Variants in RGL1 observed in about 807,000 individuals in gnomAD.
RGL1 encodes the protein ral guanine nucleotide dissociation stimulator-like 1.
RGL1 carries 24 observed loss-of-function variants against 95.2 expected under a neutral mutation model. That is an observed-to-expected ratio of 0.25 (90% CI 0.18 to 0.35). RGL1 has a LOEUF of 0.35. Ranked by LOEUF, RGL1 falls within the 10% of genes least tolerant of loss-of-function variation. RGL1 has a pLI of 1.00. For missense variants in RGL1, 715 were observed against 936.3 expected (o/e 0.76, Z 3.08); for synonymous variants, 329 against 344.9 (o/e 0.95, Z 0.51).
chr1:183,736,490 G>A (rs1462931316), intron 1 of RGL1, among the ~76,000 whole-genome samples: 1 of 152,178 alleles, frequency 6.6e-6, no homozygotes. Context: ...CTTGTGACTA[G>A]AATTTCAGTG....
intron 1 of RGL1, among the ~76,000 whole-genome samples, chr1:183,736,866 C>A (rs1262543807): frequency 6.6e-6 from 1 of 152,056 alleles, no homozygotes; most frequent in Admixed American, 6.6e-5. Context: ...AGAAGAAAAG[C>A]ATGACCCTAA....
chr1:183,642,760 G>A (rs559052801), intron 1 of RGL1, among the ~76,000 whole-genome samples: 1 of 152,270 alleles, frequency 6.6e-6, no homozygotes, highest in East Asian at 1.9e-4. Flanking sequence ...ACCAGTAGGT[G>A]TCAACTAGTA....
At chr1:183,727,440 T>C (rs1248248361) in intron 1 of RGL1, among the ~76,000 whole-genome samples, 1 of 152,206 alleles carries the variant, frequency 6.6e-6, no homozygotes, top group Non-Finnish European at 1.5e-5. Flanking sequence ...TTTTACACTT[T>C]AAGTGTTTGA....
At chr1:183,905,649 G>A (rs1184066012) in intron 13 of RGL1, among the ~76,000 whole-genome samples, 1 of 152,114 alleles carries the variant, frequency 6.6e-6, no homozygotes, top group Non-Finnish European at 1.5e-5. Flanking sequence ...ACAAAGAACA[G>A]TTTAAAAATA....
At chr1:183,708,132 A>G (rs1242515344) in intron 1 of RGL1, among the ~76,000 whole-genome samples, 3 of 152,194 alleles carry the variant, frequency 2.0e-5, no homozygotes, top group African/African-American at 7.2e-5. Context: ...TTGCAAAAAA[A>G]GACAAGGCGC....
rs143627462 is a variant in RGL1, at chr1:183,866,614, A to C, written c.425+541A>C. On this transcript the variant is annotated intron_variant, in intron 4 of 17. Transcript: ENST00000360851. ...TGGCCGGAGCGCGTGCTAGGGGATG[A>C]GCACTGTGAGGTGAGCAGGAAGGTG... Among the ~76,000 whole-genome samples, 649 of 152,298 alleles carry C rather than the reference A, an allele frequency of 4.3e-3. 4 individuals carry two copies. Among genetic ancestry groups the C allele is most frequent in the African/African-American group, 0.015 (633 of 41,560 alleles).
intron 2 of RGL1, among the ~76,000 whole-genome samples, chr1:183,791,040 A>C (rs1042698176): frequency 6.6e-6 from 1 of 152,082 alleles, no homozygotes; most frequent in Non-Finnish European, 1.5e-5. Flanking sequence ...TTAGCTATTC[A>C]CTCATCTAGA....
At chr1:183,725,002 G>GGAA (rs1197474649) in intron 1 of RGL1, among the ~76,000 whole-genome samples, 1 of 151,862 alleles carries the variant, frequency 6.6e-6, no homozygotes, top group Non-Finnish European at 1.5e-5. Context: ...AGGAGGAGGA[G>GGAA]GAGAGAGAAA....
At position 183,722,209 on chromosome 1, in the gene RGL1, A is replaced by G. The variant is rs1457177224; in HGVS notation, c.-32-19917A>G. Among the ~76,000 whole-genome samples the G allele has an allele frequency of 2.0e-5, 3 of 151,696 alleles. No individual in the cohort carries two copies. In the East Asian group the frequency reaches 5.8e-4, roughly 29 times the overall value. The stretch of plus-strand genomic sequence containing the variant: ...AGAGGATTCCAAGAAGAAGGAGAGA[A>G]CACTTAATAGTCTGGGACCAAAAAA... On this transcript the variant is annotated intron_variant, in intron 1 of 18. Transcript: ENST00000304685.
intron 2 of RGL1, among the ~76,000 whole-genome samples, chr1:183,769,856 G>C (rs1659188156): frequency 6.6e-6 from 1 of 152,134 alleles, no homozygotes; most frequent in Admixed American, 6.5e-5. Context: ...GTATTAACCA[G>C]GCCCGACCCA....
intron 2 of RGL1, among the ~76,000 whole-genome samples, chr1:183,838,393 G>A (rs908005621): frequency 1.3e-5 from 2 of 152,106 alleles, no homozygotes; most frequent in Admixed American, 6.6e-5. Context: ...AAGGGGGATG[G>A]GATTTCTGTG....
At chr1:183,690,079 T>C (rs1479189962) in intron 1 of RGL1, among the ~76,000 whole-genome samples, 3 of 152,118 alleles carry the variant, frequency 2.0e-5, no homozygotes, top group Non-Finnish European at 4.4e-5. Context: ...AGCCACAAGT[T>C]AATTTGGGCT....
At chr1:183,776,555 T>A (rs1395908845) in intron 2 of RGL1, among the ~76,000 whole-genome samples, 1 of 152,008 alleles carries the variant, frequency 6.6e-6, no homozygotes, top group Non-Finnish European at 1.5e-5. Context: ...TCGGAAAAGC[T>A]AAGAGGAATT....
intron 1 of RGL1, among the ~76,000 whole-genome samples, chr1:183,671,917 C>G (rs994545557): frequency 6.6e-6 from 1 of 151,384 alleles, no homozygotes; most frequent in Middle Eastern, 3.4e-3. Flanking sequence ...AGAAACATTC[C>G]TTACCTTTGA....
rs148117450 is a variant in RGL1, at chr1:183,645,659, C to T, written c.-33+9158C>T. On this transcript the variant is annotated intron_variant, in intron 1 of 18. Coordinates refer to the RGL1 transcript ENST00000304685. ...CGTAGTGAGCAAGGAAAGCTAATCA[C>T]TGCACTGCAGGATCTCACTTTGTGG... 5.3e-5 allele frequency among the ~76,000 whole-genome samples: 8 copies of T among 152,366 alleles called. No individual in the cohort carries two copies. The East Asian group carries it at 9.6e-4, about 18-fold the overall frequency.
At chr1:183,781,240 T>C (rs1038749043) in intron 2 of RGL1, among the ~76,000 whole-genome samples, 1 of 152,214 alleles carries the variant, frequency 6.6e-6, no homozygotes, top group Non-Finnish European at 1.5e-5. Context: ...TTCCTTCTCC[T>C]TCCTAACACA....
intron 1 of RGL1, among the ~76,000 whole-genome samples, chr1:183,643,632 A>G (rs921744836): frequency 4.0e-5 from 6 of 151,824 alleles, no homozygotes; most frequent in African/African-American, 1.2e-4. Flanking sequence ...ACTTTTTTAA[A>G]TAGATTCAGG....
Position 183,883,871 on chromosome 1 carries a change from A to G in RGL1, c.696A>G (p.Ser232=), listed in dbSNP as rs1198802385. The change falls in exon 6 of 18, where the codon TCA becomes TCG. Residue 232 remains serine, a synonymous_variant. Transcript: ENST00000360851. ...GGESAEFTCF[S]EDLVAEQLTY... The stretch of plus-strand genomic sequence containing the variant: ...AGTCAGCAGAATTCACGTGCTTCTC[A>G]GAAGATCTCGTGGCAGAGCAGCTGA... 11 of 1,614,114 alleles carry G rather than the reference A, an allele frequency of 6.8e-6. No homozygotes were observed. Among genetic ancestry groups the G allele is most frequent in the Non-Finnish European group, 9.3e-6 (11 of 1,179,916 alleles).
chr1:183,714,575 A>G (rs1437216338), intron 1 of RGL1, among the ~76,000 whole-genome samples: 1 of 152,180 alleles, frequency 6.6e-6, no homozygotes. Flanking sequence ...AAGCCCCTTG[A>G]TTTGTACCTG....
Sources: gnomAD v4.1 joint callset for allele counts (sites outside exome capture counted in the v4.1 genomes callset) on GRCh38, gnomAD v4.1.1 for gene constraint, MANE v1.5 for transcripts, NCBI Gene and HGNC (gene_info 2026-07-23, HGNC 2026-07-21) for gene names.